The following SLC7A1 variants were observed in gnomAD, a reference collection of about 807,000 sequenced individuals.
The protein encoded by SLC7A1 is solute carrier family 7 member 1, also known as high affinity cationic amino acid transporter 1.
A neutral mutation model predicts 53.9 loss-of-function variants in SLC7A1; 10 were observed. The observed-to-expected ratio is 0.19, with a 90% CI of 0.11 to 0.31. The LOEUF is 0.31. Ranked by LOEUF, SLC7A1 falls within the 10% of genes least tolerant of loss-of-function variation. The pLI, the probability that SLC7A1 is intolerant of heterozygous loss-of-function variation, is 1.00. For missense variants in SLC7A1, 525 were observed against 827.2 expected (o/e 0.63, Z 4.48); for synonymous variants, 342 against 338.7 (o/e 1.01, Z -0.11).
chr13:29,524,506 G>A (rs1868793043), intron 5 of SLC7A1, among the ~76,000 whole-genome samples: 1 of 152,144 alleles, frequency 6.6e-6, no homozygotes, highest in Non-Finnish European at 1.5e-5. Flanking sequence ...TCTAAACAAT[G>A]ACTAGGGTAG....
At chr13:29,582,190 T>A (rs1474398391) in intron 1 of SLC7A1, among the ~76,000 whole-genome samples, 1 of 152,242 alleles carries the variant, frequency 6.6e-6, no homozygotes, top group East Asian at 1.9e-4. Context: ...ACTCGGCTAA[T>A]TATCCCTGAT....
intron 1 of SLC7A1, among the ~76,000 whole-genome samples, chr13:29,580,167 T>G (rs1022664143): frequency 6.6e-6 from 1 of 152,158 alleles, no homozygotes. Context: ...CAGGATCACA[T>G]GAGTCCATGG....
At chr13:29,584,927 G>T (rs915663155) in intron 1 of SLC7A1, among the ~76,000 whole-genome samples, 25 of 152,270 alleles carry the variant, frequency 1.6e-4, no homozygotes, top group Middle Eastern at 3.4e-3. Context: ...TTTCAGACAG[G>T]TTCTTCGTCG....
chr13:29,545,983 C>T (rs529595107), intron 2 of SLC7A1, among the ~76,000 whole-genome samples: 4 of 152,354 alleles, frequency 2.6e-5, no homozygotes, highest in East Asian at 3.9e-4. Context: ...TCAGGAGAGA[C>T]GCCCACGCCC....
intron 2 of SLC7A1, among the ~76,000 whole-genome samples, chr13:29,542,236 C>T (rs1869696494): frequency 6.6e-6 from 1 of 152,140 alleles, no homozygotes; most frequent in South Asian, 2.1e-4. Flanking sequence ...GGGTGGATCA[C>T]CTGAGGTCAA....
intron 3 of SLC7A1, among the ~76,000 whole-genome samples, chr13:29,534,342 C>T (rs1869310063): frequency 6.6e-6 from 1 of 152,178 alleles, no homozygotes; most frequent in Admixed American, 6.5e-5. Context: ...ATTTCATGCT[C>T]AATGTATATT....
intron 1 of SLC7A1, among the ~76,000 whole-genome samples, chr13:29,578,077 G>A (rs1200393144): frequency 6.6e-6 from 1 of 152,074 alleles, no homozygotes; most frequent in Non-Finnish European, 1.5e-5. Context: ...TGTGGCCTGT[G>A]GCATTTGAGA....
intron 1 of SLC7A1, among the ~76,000 whole-genome samples, chr13:29,573,924 A>G (rs1467313047): frequency 6.6e-6 from 1 of 152,170 alleles, no homozygotes; most frequent in Non-Finnish European, 1.5e-5. Context: ...TGACTTCCAC[A>G]GGCATTTCTG....
At chr13:29,536,347 A>G (rs563331299) in intron 2 of SLC7A1, 145 bp from the exon 3 acceptor site, 8 of 867,212 alleles carry the variant, frequency 9.2e-6, no homozygotes, top group South Asian at 3.5e-5. Context: ...GAATTCCACC[A>G]TCAATTGTCA....
intron 1 of SLC7A1, among the ~76,000 whole-genome samples, chr13:29,554,706 CA>C (rs1305016003): frequency 2.0e-5 from 3 of 152,136 alleles, no homozygotes; most frequent in Admixed American, 6.5e-5. Flanking sequence ...TATCATTACA[CA>C]AAAAATGCAC....
intron 1 of SLC7A1, among the ~76,000 whole-genome samples, chr13:29,564,475 C>T (rs749294852): frequency 3.9e-5 from 6 of 152,188 alleles, no homozygotes; most frequent in African/African-American, 7.2e-5. Flanking sequence ...TCGGCTCAAA[C>T]CTCAGTGTGT....
intron 1 of SLC7A1, among the ~76,000 whole-genome samples, chr13:29,577,406 G>A (rs1045681172): frequency 8.5e-5 from 13 of 152,234 alleles, no homozygotes; most frequent in African/African-American, 3.1e-4. Context: ...CTGGTGAGGG[G>A]GTTGGTGAGG....
chr13:29,571,216 A>G (rs1011236016), intron 1 of SLC7A1, among the ~76,000 whole-genome samples: 1 of 152,254 alleles, frequency 6.6e-6, no homozygotes, highest in Admixed American at 6.5e-5. Context: ...CAGTTTAAAA[A>G]ATAAAATAAG....
At position 29,522,327 on chromosome 13, in the gene SLC7A1, A is replaced by G. The variant is rs773739954; in HGVS notation, c.1179T>C (p.Gly393=). The part of the protein sequence containing the change: ...KTPIIATLAS[G]AVAAVMAFLF... ...AGTTCTAGTACTCACCAGCAACGGCACCCGAGGCTAATGTGGCGATTATTG... is the reference window on the plus strand; with the variant it reads ...AGTTCTAGTACTCACCAGCAACGGCGCCCGAGGCTAATGTGGCGATTATTG... The change falls in exon 8 of 13, where the codon GGT becomes GGC. Residue 393 remains glycine, a synonymous_variant. Transcript: ENST00000380752. 28 of 1,614,116 alleles carry G rather than the reference A, an allele frequency of 1.7e-5. No homozygotes were observed. Among genetic ancestry groups the G allele is most frequent in the African/African-American group, 2.7e-5 (2 of 74,942 alleles).
chr13:29,532,213 C>T (rs1048388370), intron 4 of SLC7A1, among the ~76,000 whole-genome samples: 4 of 152,256 alleles, frequency 2.6e-5, no homozygotes, highest in South Asian at 2.1e-4. Context: ...GAGCAAAACT[C>T]GCGCTGCACT....
At chr13:29,580,373 G>T (rs1326738610) in intron 1 of SLC7A1, among the ~76,000 whole-genome samples, 1 of 152,008 alleles carries the variant, frequency 6.6e-6, no homozygotes, top group Non-Finnish European at 1.5e-5. Context: ...CCTACACCGT[G>T]CTTCCTCTCT....
intron 2 of SLC7A1, among the ~76,000 whole-genome samples, chr13:29,546,532 C>T (rs905757977): frequency 1.3e-5 from 2 of 152,168 alleles, no homozygotes; most frequent in African/African-American, 2.4e-5. Flanking sequence ...GCCAACCTAA[C>T]TTAATTTTCA....
At position 29,513,599 on chromosome 13, in the gene SLC7A1, A is replaced by G. The variant is rs1883461604; in HGVS notation, c.*881T>C. The G allele has an allele frequency of 6.5e-6, 1 of 152,760 alleles. No homozygotes were observed. The highest frequency in any genetic ancestry group is 1.5e-5 in the Non-Finnish European group (1 of 68,064). 9.5% of individuals were successfully genotyped at this position (152,760 alleles called of 1,614,324 possible). A position where few individuals can be genotyped will look rare whatever the true frequency, so the allele number is the denominator to read the frequency against. On this transcript the variant is annotated 3_prime_UTR_variant, in exon 13 of 13. Transcript: ENST00000380752. ...TGAACGGTGGCGACTCACAGGAAAC[A>G]GACTTCTGACTCGGCCACCATGGGG...
In SLC7A1 at chr13:29,535,815, C is replaced by A. The variant is rs1463647320; in HGVS notation, c.370+4G>T. 1.2e-6 allele frequency: 2 copies of A among 1,610,428 alleles called. No homozygotes were observed. Among genetic ancestry groups the A allele is most frequent in the South Asian group, 1.1e-5 (1 of 90,980 alleles). ...GGCACGAGCTCCGGACCCCTGGGACCTACCGATGATGTAGGAGAGGATTAA... is the reference window on the plus strand; with the variant it reads ...GGCACGAGCTCCGGACCCCTGGGACATACCGATGATGTAGGAGAGGATTAA... On this transcript the variant is annotated splice_donor_region_variant and intron_variant, in intron 3 of 12. Coordinates refer to ENST00000380752, the MANE Select transcript of SLC7A1 (RefSeq NM_003045.5).
Sources: gnomAD v4.1 joint callset for allele counts (sites outside exome capture counted in the v4.1 genomes callset) on GRCh38, gnomAD v4.1.1 for gene constraint, MANE v1.5 for transcripts, NCBI Gene and HGNC (gene_info 2026-07-23, HGNC 2026-07-21) for gene names.